MED24: variants seen among roughly 807,000 people sequenced by gnomAD.
MED24 encodes the protein mediator of RNA polymerase II transcription subunit 24.
MED24 carries 74 observed loss-of-function variants against 118.8 expected under a neutral mutation model. The observed-to-expected ratio is 0.62, with a 90% CI of 0.52 to 0.76. The LOEUF (loss-of-function observed/expected upper bound fraction) is 0.76. Among genes scored for constraint, MED24 ranks in the 30% least tolerant of loss-of-function variants. The pLI is 0.00. For synonymous variants in MED24, 521 were observed against 523.9 expected (o/e 0.99, Z 0.08); for missense variants, 1,041 against 1,278.9 (o/e 0.81, Z 2.84).
chr17:40,028,753 T>A (rs1983018204), intron 14 of MED24, 73 bp downstream of exon 14: 2 of 1,581,140 alleles, frequency 1.3e-6, no homozygotes, highest in Non-Finnish European at 1.7e-6. Context: ...GGCACCTGAC[T>A]CCTACCCTGC....
rs756798264 is a variant in MED24, at chr17:40,027,383, C to T, written c.1530G>A (p.Glu510=). ...CGTCCCGGTCGCTCCCCTCTCTCACCTCTGAACCATAGGTCTGGGCCACAT... is the reference window on the plus strand; with the variant it reads ...CGTCCCGGTCGCTCCCCTCTCTCACTTCTGAACCATAGGTCTGGGCCACAT... ...LCHVAQTYGS[E]VILSESRTGA... Residue 510 remains glutamate, a splice_region_variant and synonymous_variant, in exon 16 of 26, where the codon GAG becomes GAA. Transcript: ENST00000394128. 6 of 1,613,130 alleles carry T rather than the reference C, an allele frequency of 3.7e-6. No homozygotes were observed. The highest frequency in any genetic ancestry group is 4.2e-6 in the Non-Finnish European group (5 of 1,179,766).
At chr17:40,050,874 C>T (rs528198168) in intron 3 of MED24, among the ~76,000 whole-genome samples, 4 of 152,116 alleles carry the variant, frequency 2.6e-5, no homozygotes, top group South Asian at 4.1e-4. Context: ...TGGTGGCTCA[C>T]GCCTATAATC....
chr17:40,022,503 A>G lies in MED24; in HGVS notation c.2433-19T>C. ...GGCCAGCCTGGCAAAGGGTTCCAGAAAAAGGGGGACAGTGAGAGGTGCCCC... is the reference window on the plus strand; with the variant it reads ...GGCCAGCCTGGCAAAGGGTTCCAGAGAAAGGGGGACAGTGAGAGGTGCCCC... On this transcript the variant is annotated intron_variant, in intron 21 of 25. Transcript: ENST00000394128. The G allele has an allele frequency of 1.2e-6, 2 of 1,602,366 alleles. No individual in the cohort carries two copies. The highest frequency in any genetic ancestry group is 4.5e-5 in the East Asian group (2 of 44,440).
At position 40,026,233 on chromosome 17, in the gene MED24, A is replaced by C. The variant is rs1982629788; in HGVS notation, c.1908T>G (p.Arg636=). ...AHVRMLGLDE[R]EKSLQMIRQL... is the part of the protein sequence containing the mutation. ...GGCGGATCATCTGCAGCGACTTCTC[A>C]CGCTCATCCAGCCCCAGCATCCGGA... is the stretch of plus-strand genomic sequence containing the variant. Residue 636 remains arginine (R), a synonymous_variant, in exon 19 of 26, where the codon CGT becomes CGG. Transcript: ENST00000394128. The C allele has an allele frequency of 6.2e-7, 1 of 1,614,088 alleles. No individual in the cohort carries two copies.
chr17:40,041,902 G>A (rs775727598), intron 3 of MED24, among the ~76,000 whole-genome samples: 25 of 152,122 alleles, frequency 1.6e-4, no homozygotes, highest in Non-Finnish European at 3.2e-4. Context: ...AGTCCAATTT[G>A]GCTCATCACT....
intron 19 of MED24, among the ~76,000 whole-genome samples, chr17:40,024,362 C>T (rs1014593842): frequency 5.3e-5 from 8 of 152,026 alleles, no homozygotes; most frequent in Non-Finnish European, 4.4e-5. Context: ...GGTGAAACCC[C>T]ATCTCTACCA....
chr17:40,026,658 C>T lies in MED24; in HGVS notation c.1798G>A (p.Glu600Lys). 6.2e-7 allele frequency: 1 copy of T among 1,608,878 alleles called. No individual in the cohort carries two copies. Among genetic ancestry groups the T allele is most frequent in the Non-Finnish European group, 8.5e-7 (1 of 1,177,370 alleles). Residue 600 changes from glutamate to lysine, a missense_variant, in exon 18 of 26, where the codon GAG becomes AAG. Around this residue, in one of 3 missense-constraint regions of MED24, gnomAD observed 587 missense variants for 694.4 expected, o/e 0.85. Transcript: ENST00000394128. ...GAAGGCGGGGCTACCTGGATGGACT[C>T]GAAGGCCAGGACCCCATTCTCCCAG... ...NAWENGVLAF[E>K]SIQKITDNIK...
intron 22 of MED24, 76 bp downstream of exon 22, chr17:40,022,318 G>A: frequency 6.9e-7 from 1 of 1,450,770 alleles, no homozygotes; most frequent in Non-Finnish European, 9.5e-7. Flanking sequence ...GCTTCCCTTT[G>A]CCTGGGGAAT....
intron 3 of MED24, among the ~76,000 whole-genome samples, chr17:40,046,144 G>A (rs1163136447): frequency 4.5e-4 from 67 of 147,292 alleles, no homozygotes; most frequent in Non-Finnish European, 9.4e-4. Flanking sequence ...GAGCGCAGTG[G>A]CGCGATCTCT....
intron 3 of MED24, among the ~76,000 whole-genome samples, chr17:40,047,304 G>A (rs1985335184): frequency 6.6e-6 from 1 of 152,156 alleles, no homozygotes; most frequent in African/African-American, 2.4e-5. Context: ...AACTTTCTGA[G>A]AGAACAGAAA....
chr17:40,020,686 T>G, intron 23 of MED24: 1 of 371,764 alleles, frequency 2.7e-6, no homozygotes, highest in Non-Finnish European at 5.2e-6. Flanking sequence ...CTCGGGAGGC[T>G]GAGGCAGACT....
chr17:40,028,075 A>G (rs1982915616), intron 14 of MED24, 129 bp from the exon 15 acceptor site: 2 of 918,002 alleles, frequency 2.2e-6, no homozygotes, highest in Non-Finnish European at 1.7e-6. Context: ...AATGAGACAC[A>G]TTGCTATAGA....
intron 6 of MED24, among the ~76,000 whole-genome samples, chr17:40,034,008 A>G (rs1206921740): frequency 6.6e-6 from 1 of 152,072 alleles, no homozygotes; most frequent in East Asian, 1.9e-4. Flanking sequence ...CAGTTCCTTT[A>G]GCAACTCACC....
chr17:40,048,418 T>C (rs1985479686), intron 3 of MED24, among the ~76,000 whole-genome samples: 3 of 152,224 alleles, frequency 2.0e-5, no homozygotes, highest in African/African-American at 7.2e-5. Context: ...ATGATATTAT[T>C]AAATGCATCA....
At chr17:40,038,575 G>A (rs1984210104) in intron 3 of MED24, among the ~76,000 whole-genome samples, 2 of 152,096 alleles carry the variant, frequency 1.3e-5, no homozygotes, top group African/African-American at 2.4e-5. Context: ...GCCGGGCGTG[G>A]TGGCGCATGC....
intron 6 of MED24, among the ~76,000 whole-genome samples, chr17:40,034,124 G>C (rs1983685086): frequency 6.6e-6 from 1 of 152,110 alleles, no homozygotes; most frequent in Non-Finnish European, 1.5e-5. Flanking sequence ...CAATTCCAGA[G>C]GGTCAAATGA....
At chr17:40,050,836 A>C (rs572372385) in intron 3 of MED24, among the ~76,000 whole-genome samples, 4 of 152,304 alleles carry the variant, frequency 2.6e-5, no homozygotes, top group African/African-American at 9.6e-5. Flanking sequence ...ATGTATGCAC[A>C]TAAGAAATCT....
At chr17:40,030,708 G>A (rs1983268763) in intron 12 of MED24, among the ~76,000 whole-genome samples, 1 of 151,466 alleles carries the variant, frequency 6.6e-6, no homozygotes, top group Non-Finnish European at 1.5e-5. Flanking sequence ...GCCCAGGCTG[G>A]GGTGCAGTGG....
chr17:40,053,887 T>TC (rs1775939421), intron 1 of MED24: 1 of 590,738 alleles, frequency 1.7e-6, no homozygotes, highest in Non-Finnish European at 3.0e-6. Flanking sequence ...TCCCAGCACT[T>TC]CGGGAGGCAG....
Sources: allele counts gnomAD v4.1 joint callset (sites outside exome capture counted in the v4.1 genomes callset), GRCh38; gene constraint gnomAD v4.1.1; regional missense constraint gnomAD v4.1.1; transcripts MANE v1.5; gene names NCBI Gene and HGNC (gene_info 2026-07-23, HGNC 2026-07-21).